COL8A1: variants seen among roughly 807,000 people sequenced by gnomAD.
The protein encoded by COL8A1 is collagen alpha-1(VIII) chain.
COL8A1 carries 21 observed loss-of-function variants against 42.7 expected under a neutral mutation model. The ratio of observed to expected loss-of-function variants is 0.49; its 90% CI spans 0.35 to 0.71. COL8A1 has a LOEUF of 0.71. Ranked by LOEUF, COL8A1 falls within the 30% of genes least tolerant of loss-of-function variation. The pLI is 0.01. For synonymous variants in COL8A1, 367 were observed against 369.1 expected, an observed-to-expected ratio of 0.99 and a Z score of 0.06; for missense variants, 788 against 962.4, an observed-to-expected ratio of 0.82 and a Z score of 2.40.
At chr3:99,701,443 T>TA in intron 1 of COL8A1, among the ~76,000 whole-genome samples, 1 of 152,198 alleles carries the variant, frequency 6.6e-6, no homozygotes, top group South Asian at 2.1e-4. Flanking sequence ...AAGAGAGGCA[T>TA]GTCCTTTGGC....
At position 99,794,728 on chromosome 3, in the gene COL8A1, T is replaced by C. The variant is rs766113507; in HGVS notation, c.827T>C (p.Val276Ala). ...VGLPGVGKPGVTGFPGPQGPL... is the reference protein window; with the variant it reads ...VGLPGVGKPGATGFPGPQGPL... ...CTGCCAGGAGTGGGCAAACCAGGAG[T>C]GACAGGCTTCCCTGGGCCCCAGGGC... The change falls in exon 4 of 4, where the codon GTG becomes GCG. Residue 276 changes from valine (V) to alanine (A), a missense_variant. Physicochemically the swap from Val to Ala is moderately conservative, Grantham distance 64 (BLOSUM62 0). Coordinates refer to ENST00000652472, the MANE Select transcript of COL8A1 (RefSeq NM_020351.4). The surrounding 1 kb of genome is among the most constrained non-coding windows in gnomAD (Gnocchi z 4.3). The C allele has an allele frequency of 6.2e-7, 1 of 1,604,220 alleles. No individual in the cohort carries two copies. Among genetic ancestry groups the C allele is most frequent in the African/African-American group, 1.4e-5 (1 of 73,842 alleles).
At chr3:99,740,756 A>T (rs1232892212) in intron 1 of COL8A1, among the ~76,000 whole-genome samples, 1 of 152,230 alleles carries the variant, frequency 6.6e-6, no homozygotes, top group African/African-American at 2.4e-5. Context: ...AGCTCAGTCT[A>T]TGTGTCCATA....
At chr3:99,723,981 T>C (rs1468899271) in intron 1 of COL8A1, among the ~76,000 whole-genome samples, 3 of 152,126 alleles carry the variant, frequency 2.0e-5, no homozygotes, top group Non-Finnish European at 4.4e-5. Context: ...TGTGTCTGTT[T>C]ACCCCATTGT....
intron 1 of COL8A1, among the ~76,000 whole-genome samples, chr3:99,661,313 C>T (rs556526614): frequency 6.6e-6 from 1 of 152,268 alleles, no homozygotes; most frequent in South Asian, 2.1e-4. Flanking sequence ...ATAGATATTT[C>T]TCCAAAGAAG....
At chr3:99,677,241 A>T (rs1447117468) in intron 1 of COL8A1, among the ~76,000 whole-genome samples, 2 of 152,280 alleles carry the variant, frequency 1.3e-5, no homozygotes, top group Middle Eastern at 3.4e-3. Flanking sequence ...TTACAATTTG[A>T]TGTGACAGGT....
intron 1 of COL8A1, among the ~76,000 whole-genome samples, chr3:99,726,552 G>A (rs1219525266): frequency 6.6e-6 from 1 of 151,826 alleles, no homozygotes. Context: ...TAGGTCTAAC[G>A]TTTAAGTCTT....
chr3:99,707,534 C>A (rs1000794731), intron 1 of COL8A1, among the ~76,000 whole-genome samples: 1 of 152,188 alleles, frequency 6.6e-6, no homozygotes, highest in African/African-American at 2.4e-5. Flanking sequence ...CCCTGACAAG[C>A]ATGGCAGGTG....
At chr3:99,781,159 A>C (rs1941787116) in intron 2 of COL8A1, among the ~76,000 whole-genome samples, 2 of 152,192 alleles carry the variant, frequency 1.3e-5, no homozygotes, top group Admixed American at 1.3e-4. Context: ...TGAACCATGC[A>C]CCAAGGAAAG....
chr3:99,642,139 TC>T (rs1937516501), intron 1 of COL8A1, among the ~76,000 whole-genome samples: 1 of 152,096 alleles, frequency 6.6e-6, no homozygotes, highest in Admixed American at 6.6e-5. Context: ...CTATTAAACT[TC>T]CCCTTTCTAG....
intron 2 of COL8A1, among the ~76,000 whole-genome samples, chr3:99,762,484 T>C (rs927096692): frequency 5.3e-5 from 8 of 152,234 alleles, no homozygotes; most frequent in Admixed American, 3.9e-4. Context: ...TCAGACTCTT[T>C]GGAGTTCTGA....
At position 99,780,836 on chromosome 3, in the gene COL8A1, C is replaced by T. The variant is rs1267106301; in HGVS notation, c.-3-9844C>T. 3.3e-5 allele frequency among the ~76,000 whole-genome samples: 5 copies of T among 152,280 alleles called. No individual in the cohort carries two copies. The East Asian group carries it at 9.7e-4, about 29-fold the overall frequency. ...AAACCTTATGATTTTTCCTCCCAGA[C>T]ACCACATCCATCTCTCTATCCCTCA... On this transcript the variant is annotated intron_variant, in intron 2 of 3. Transcript: ENST00000652472.
chr3:99,757,525 C>T (rs1193600771), intron 2 of COL8A1, among the ~76,000 whole-genome samples: 1 of 152,122 alleles, frequency 6.6e-6, no homozygotes, highest in Non-Finnish European at 1.5e-5. Flanking sequence ...CAAAAGATGA[C>T]TTCTTTTGAC....
intron 1 of COL8A1, among the ~76,000 whole-genome samples, chr3:99,725,041 T>G (rs1400771562): frequency 6.6e-6 from 1 of 152,062 alleles, no homozygotes; most frequent in Admixed American, 6.6e-5. Flanking sequence ...AAAGTATACT[T>G]GACACAGAGC....
chr3:99,685,557 T>C (rs982431746), intron 1 of COL8A1: 2 of 152,214 alleles, frequency 1.3e-5, no homozygotes, highest in African/African-American at 4.8e-5. Flanking sequence ...TTCTACCTTT[T>C]CTCTCTGTCT....
intron 1 of COL8A1, among the ~76,000 whole-genome samples, chr3:99,660,456 A>C (rs572870521): frequency 1.3e-5 from 2 of 152,276 alleles, no homozygotes; most frequent in African/African-American, 4.8e-5. Flanking sequence ...ATCTCCCATC[A>C]TCGTTGTTAC....
In COL8A1 at chr3:99,682,873, G is replaced by A. The variant is rs116672889; in HGVS notation, c.-129+44209G>A. Among the ~76,000 whole-genome samples, 565 of 152,212 alleles carry A rather than the reference G, an allele frequency of 3.7e-3. 3 individuals are homozygous for A. Among genetic ancestry groups the A allele is most frequent in the African/African-American group, 0.012 (497 of 41,544 alleles). On this transcript the variant is annotated intron_variant, in intron 1 of 3. Transcript: ENST00000652472. ...TTGTGTTTAGCACTCAGTGGAGCAC[G>A]AGCTCCCTCCCCACTTTACCTTCTG...
chr3:99,664,752 C>T (rs1938312502), intron 1 of COL8A1, among the ~76,000 whole-genome samples: 1 of 152,178 alleles, frequency 6.6e-6, no homozygotes. Context: ...TATCTTCAAC[C>T]TGCTTTCCAT....
intron 1 of COL8A1, among the ~76,000 whole-genome samples, chr3:99,710,519 C>T (rs939625464): frequency 3.9e-5 from 6 of 152,158 alleles, no homozygotes; most frequent in African/African-American, 1.4e-4. Flanking sequence ...TTCCAAATAA[C>T]ATTTAATGAA....
chr3:99,693,261 T>G (rs1417391616), intron 1 of COL8A1, among the ~76,000 whole-genome samples: 1 of 152,232 alleles, frequency 6.6e-6, no homozygotes, highest in African/African-American at 2.4e-5. Flanking sequence ...TGATGGTAAA[T>G]GACTATGCTA....
Sources: gnomAD v4.1 joint callset for allele counts (sites outside exome capture counted in the v4.1 genomes callset) on GRCh38, gnomAD v4.1.1 for gene constraint, Gnocchi (gnomAD v3.1) non-coding constraint, MANE v1.5 for transcripts, NCBI Gene and HGNC (gene_info 2026-07-23, HGNC 2026-07-21) for gene names.